Variants in IL13RA1 observed in about 807,000 individuals in gnomAD.
IL13RA1 encodes interleukin-13 receptor subunit alpha-1.
IL13RA1 carries 14 observed loss-of-function variants against 33.8 expected under a neutral mutation model. The ratio of observed to expected loss-of-function variants is 0.41; its 90% CI spans 0.27 to 0.65. The LOEUF is 0.65. IL13RA1 is among the 30% of genes least tolerant of loss of function. The pLI, the probability that IL13RA1 is intolerant of heterozygous loss-of-function variation, is 0.28. For synonymous variants in IL13RA1, 116 were observed against 115.7 expected, an observed-to-expected ratio of 1.00 and a Z score of -0.02; for missense variants, 313 against 327.0, an observed-to-expected ratio of 0.96 and a Z score of 0.33.
intron 10 of IL13RA1, among the ~76,000 whole-genome samples, chrX:118,780,090 T>A (rs1233064104): frequency 8.9e-6 from 1 of 112,321 alleles, no homozygotes; most frequent in Non-Finnish European, 1.9e-5. Context: ...AAATCAGTTC[T>A]TTAAAACTAA....
chrX:118,740,086 C>T (rs888684944), intron 1 of IL13RA1, among the ~76,000 whole-genome samples: 1 of 112,032 alleles, frequency 8.9e-6, no homozygotes, highest in Admixed American at 9.4e-5. Flanking sequence ...TGCTTCAGCC[C>T]CCCAGTACCT....
intron 10 of IL13RA1, among the ~76,000 whole-genome samples, chrX:118,780,089 CT>C (rs1300750742): frequency 8.9e-6 from 1 of 111,890 alleles, no homozygotes; most frequent in Non-Finnish European, 1.9e-5. Context: ...AAAATCAGTT[CT>C]TTAAAACTAA....
chrX:118,763,016 G>A (rs1164760778), intron 6 of IL13RA1, among the ~76,000 whole-genome samples: 7 of 111,220 alleles, frequency 6.3e-5, no homozygotes, highest in Middle Eastern at 9.3e-3. Flanking sequence ...CACATACTGG[G>A]GCCTGTGGGG....
intron 2 of IL13RA1, among the ~76,000 whole-genome samples, chrX:118,743,961 C>G (rs1293376683): frequency 9.0e-6 from 1 of 111,549 alleles, no homozygotes; most frequent in Non-Finnish European, 1.9e-5. Flanking sequence ...GCCTTGCCAA[C>G]ATGGTGAAAC....
intron 4 of IL13RA1, among the ~76,000 whole-genome samples, chrX:118,757,678 C>CTTTTTT (rs765835021): frequency 3.3e-4 from 19 of 58,356 alleles, no homozygotes; most frequent in Admixed American, 4.5e-4. Flanking sequence ...AGAATTCTGC[C>CTTTTTT]TTTTTTTTTT....
At chrX:118,732,398 TTATA>T (rs34258619) in intron 1 of IL13RA1, among the ~76,000 whole-genome samples, 2 of 107,099 alleles carry the variant, frequency 1.9e-5, no homozygotes, top group Non-Finnish European at 3.9e-5. Flanking sequence ...TTTTTTAAAT[TTATA>T]TATATATATA....
At chrX:118,757,600 G>GT (rs1290202911) in intron 4 of IL13RA1, among the ~76,000 whole-genome samples, 55 of 102,699 alleles carry the variant, frequency 5.4e-4, no homozygotes, top group African/African-American at 1.4e-3. Flanking sequence ...GTACAATAGG[G>GT]TTTTTTTAAA....
At chrX:118,804,502 T>A in the IL13RA1 span, among the ~76,000 whole-genome samples, 2 of 111,366 alleles carry the variant, frequency 1.8e-5, no homozygotes, top group East Asian at 5.6e-4. Context: ...ATCTGTGTTG[T>A]GTAATTTTTT....
intron 10 of IL13RA1, among the ~76,000 whole-genome samples, chrX:118,785,656 C>T (rs182779662): frequency 2.7e-4 from 30 of 110,979 alleles, no homozygotes; most frequent in African/African-American, 9.2e-4. Flanking sequence ...CTGCAAACTC[C>T]GCCTCCCAGG....
downstream of IL13RA1, among the ~76,000 whole-genome samples, chrX:118,796,825 C>T (rs1012638994): frequency 2.7e-5 from 3 of 112,762 alleles, no homozygotes; most frequent in East Asian, 2.8e-4. Context: ...CGTGAGCCAC[C>T]GTGCCTGGCC....
At chrX:118,765,261 CTT>C (rs36015859) in intron 6 of IL13RA1, among the ~76,000 whole-genome samples, 5 of 96,368 alleles carry the variant, frequency 5.2e-5, no homozygotes, top group Admixed American at 1.1e-4. Flanking sequence ...TCAAGCCCAG[CTT>C]TTTTTTTTTT....
chrX:118,763,179 TAAAAGTTGATATTTTTTAAA>T (rs2017607728), intron 6 of IL13RA1, among the ~76,000 whole-genome samples: 1 of 112,130 alleles, frequency 8.9e-6, no homozygotes, highest in African/African-American at 3.2e-5. Context: ...CCTCAGAATT[TAAAAGTTGATATTTTTTAAA>T]AAAAGAAAAT....
At chrX:118,741,911 T>G (rs1188145611) in intron 2 of IL13RA1, among the ~76,000 whole-genome samples, 1 of 111,077 alleles carries the variant, frequency 9.0e-6, no homozygotes, top group African/African-American at 3.3e-5. Context: ...ATCAGTGAAT[T>G]GTAGAAGCAC....
chrX:118,789,017 A>T (rs754378052), intron 10 of IL13RA1, among the ~76,000 whole-genome samples: 32 of 112,276 alleles, frequency 2.9e-4, no homozygotes, highest in African/African-American at 1.0e-3. Flanking sequence ...ATATAGTGCA[A>T]ATATTCCAAA....
intron 1 of IL13RA1, among the ~76,000 whole-genome samples, chrX:118,735,484 G>T (rs1259266510): frequency 8.9e-6 from 1 of 111,841 alleles, no homozygotes; most frequent in Non-Finnish European, 1.9e-5. Context: ...TCGCTGCATC[G>T]TCTACATTTT....
chrX:118,755,065 C>T (rs1159379041), intron 4 of IL13RA1, among the ~76,000 whole-genome samples: 1 of 106,514 alleles, frequency 9.4e-6, no homozygotes, highest in Non-Finnish European at 1.9e-5. Context: ...TCTCCAGCCT[C>T]AACCTCCTGA....
chrX:118,783,153 T>A (rs2017864443), intron 10 of IL13RA1, among the ~76,000 whole-genome samples: 1 of 111,881 alleles, frequency 8.9e-6, no homozygotes, highest in Non-Finnish European at 1.9e-5. Context: ...ACTTGATATT[T>A]CATTGTACTA....
At chrX:118,775,257 A>T (rs1375525604) in intron 9 of IL13RA1, among the ~76,000 whole-genome samples, 2 of 111,386 alleles carry the variant, frequency 1.8e-5, no homozygotes, top group Non-Finnish European at 3.8e-5. Flanking sequence ...GCTGAAATGC[A>T]CTTGGTTTGT....
chrX:118,737,749 A>G (rs938402164), intron 1 of IL13RA1, among the ~76,000 whole-genome samples: 2 of 112,044 alleles, frequency 1.8e-5, no homozygotes, highest in Non-Finnish European at 3.8e-5. Context: ...ATTGGAGTAC[A>G]ATTGAAATGA....
Sources: allele counts gnomAD v4.1 joint callset (sites outside exome capture counted in the v4.1 genomes callset), GRCh38; gene constraint gnomAD v4.1.1; transcripts MANE v1.5; gene names NCBI Gene and HGNC (gene_info 2026-07-23, HGNC 2026-07-21).